The following DPP6 variants were observed in gnomAD, a reference collection of about 807,000 sequenced individuals.
DPP6 encodes A-type potassium channel modulatory protein DPP6.
DPP6 carries 69 observed loss-of-function variants against 122.6 expected under a neutral mutation model. The ratio of observed to expected loss-of-function variants is 0.56; its 90% confidence interval spans 0.46 to 0.69. The LOEUF is 0.69. Ranked by LOEUF, DPP6 falls within the 30% of genes least tolerant of loss-of-function variation. The probability of loss-of-function intolerance (pLI) is 0.00; values close to 1 mark genes in which losing one functional copy is unlikely to be tolerated. For missense variants in DPP6, 928 were observed against 1,116.9 expected, an observed-to-expected ratio of 0.83 and a Z score of 2.41; for synonymous variants, 418 against 433.1, an observed-to-expected ratio of 0.97 and a Z score of 0.43.
chr7:154,355,572 AT>A (rs1352762402), intron 1 of DPP6, among the ~76,000 whole-genome samples: 2 of 152,266 alleles, frequency 1.3e-5, no homozygotes, highest in Non-Finnish European at 2.9e-5. Flanking sequence ...TGATTCATTT[AT>A]TTGTATATGA....
At chr7:154,196,986 T>A (rs554527466) in intron 1 of DPP6, among the ~76,000 whole-genome samples, 1 of 152,154 alleles carries the variant, frequency 6.6e-6, no homozygotes, top group African/African-American at 2.4e-5. Context: ...TCCTCTTTAA[T>A]CTCCAAGTTT....
At chr7:154,457,296 G>T (rs1408427457) in intron 2 of DPP6, among the ~76,000 whole-genome samples, 1 of 26,580 alleles carries the variant, frequency 3.8e-5, no homozygotes, top group African/African-American at 1.3e-4. Context: ...CAGTTAGAAT[G>T]GCAATCATTA....
the DPP6 span, among the ~76,000 whole-genome samples, chr7:153,847,451 C>A: frequency 1.3e-5 from 2 of 152,290 alleles, no homozygotes; most frequent in East Asian, 1.9e-4. Context: ...TTTTACATTT[C>A]TTTGCATATA....
At chr7:154,713,762 C>T (rs1166047061) in intron 7 of DPP6, among the ~76,000 whole-genome samples, 1 of 152,164 alleles carries the variant, frequency 6.6e-6, no homozygotes, top group Non-Finnish European at 1.5e-5. Context: ...GGAGGGGCTG[C>T]CATGAAGGTC....
intron 1 of DPP6, among the ~76,000 whole-genome samples, chr7:153,967,137 A>C (rs998366136): frequency 6.6e-6 from 1 of 152,088 alleles, no homozygotes; most frequent in East Asian, 1.9e-4. Flanking sequence ...AAAGAGATCC[A>C]GTAGTCAAAG....
chr7:154,019,422 A>G (rs2533829), intron 1 of DPP6, among the ~76,000 whole-genome samples: 1 of 127,212 alleles, frequency 7.9e-6, no homozygotes, highest in African/African-American at 2.9e-5. Flanking sequence ...TTCTTTATCT[A>G]TCTATTTCTT....
the DPP6 span, among the ~76,000 whole-genome samples, chr7:153,862,471 C>A: frequency 3.3e-5 from 5 of 152,218 alleles, no homozygotes; most frequent in Non-Finnish European, 7.3e-5. Context: ...CTGTCACCTT[C>A]ACATCACCCA....
chr7:154,574,291 ATGTG>A (rs1319017490), intron 5 of DPP6, among the ~76,000 whole-genome samples: 2 of 101,772 alleles, frequency 2.0e-5, no homozygotes, highest in Admixed American at 2.2e-4. Context: ...TGTGTGGCGT[ATGTG>A]TGTGTATGTG....
At chr7:154,835,671 C>T (rs952169885) in intron 16 of DPP6, among the ~76,000 whole-genome samples, 5 of 152,170 alleles carry the variant, frequency 3.3e-5, no homozygotes, top group African/African-American at 9.7e-5. Flanking sequence ...GGTGCCCACC[C>T]GTGTCCACTT....
intron 7 of DPP6, among the ~76,000 whole-genome samples, chr7:154,688,619 T>C (rs1839764581): frequency 6.6e-6 from 1 of 152,148 alleles, no homozygotes; most frequent in South Asian, 2.1e-4. Flanking sequence ...GTCTCAAAAC[T>C]GAACAACTTG....
intron 1 of DPP6, among the ~76,000 whole-genome samples, chr7:154,036,012 G>GCACA (rs150790903): frequency 4.3e-5 from 5 of 115,668 alleles, no homozygotes; most frequent in Non-Finnish European, 8.8e-5. Flanking sequence ...AGGATTACGC[G>GCACA]CGCGCGCTTG....
chr7:154,117,095 A>G (rs966910674), intron 1 of DPP6, among the ~76,000 whole-genome samples: 2 of 151,994 alleles, frequency 1.3e-5, no homozygotes, highest in South Asian at 2.1e-4. Context: ...TGCTTAGACT[A>G]TCAGAAACTT....
At chr7:154,856,473 A>G (rs974058447) in intron 17 of DPP6, among the ~76,000 whole-genome samples, 1 of 152,236 alleles carries the variant, frequency 6.6e-6, no homozygotes, top group Non-Finnish European at 1.5e-5. Flanking sequence ...CATTTATTCC[A>G]TTTATAAAAA....
intron 10 of DPP6, among the ~76,000 whole-genome samples, chr7:154,785,284 G>A (rs1478176265): frequency 2.6e-5 from 4 of 152,182 alleles, no homozygotes; most frequent in South Asian, 2.1e-4. Context: ...CCCAGATGGA[G>A]ATGACTTTTC....
chr7:154,431,316 C>T lies in DPP6; in HGVS notation c.244-14898C>T, dbSNP rs369260614. Among the ~76,000 whole-genome samples the T allele has an allele frequency of 2.3e-3, 347 of 152,168 alleles. 1 individual carries two copies. The highest frequency in any genetic ancestry group is 7.9e-3 in the African/African-American group (329 of 41,492). On this transcript the variant is annotated intron_variant, in intron 1 of 25. Transcript: ENST00000377770. ...CCACCCTGCTTCCCTGCGCCACTCC[C>T]CAGGGCCTGCTCCACACCACCCACA...
intron 1 of DPP6, among the ~76,000 whole-genome samples, chr7:154,251,521 C>T (rs889676963): frequency 3.9e-5 from 6 of 152,148 alleles, no homozygotes; most frequent in Non-Finnish European, 8.8e-5. Flanking sequence ...TGACTCACAC[C>T]ATCACAAGAT....
At chr7:154,348,208 A>G (rs1347731876) in intron 1 of DPP6, among the ~76,000 whole-genome samples, 1 of 152,182 alleles carries the variant, frequency 6.6e-6, no homozygotes, top group Non-Finnish European at 1.5e-5. Context: ...TGAAAGTCAA[A>G]TATACTTATA....
At chr7:154,306,912 T>G (rs1456476098) in intron 1 of DPP6, among the ~76,000 whole-genome samples, 1 of 152,152 alleles carries the variant, frequency 6.6e-6, no homozygotes, top group Non-Finnish European at 1.5e-5. Context: ...AAAGAAATAT[T>G]TCCACACTAA....
intron 1 of DPP6, among the ~76,000 whole-genome samples, chr7:154,220,723 A>G (rs954475936): frequency 1.3e-5 from 2 of 152,178 alleles, no homozygotes; most frequent in Non-Finnish European, 2.9e-5. Flanking sequence ...TTTTTTCTAA[A>G]GTACCCAGTT....
Sources: gnomAD v4.1 joint callset for allele counts (sites outside exome capture counted in the v4.1 genomes callset) on GRCh38, gnomAD v4.1.1 for gene constraint, MANE v1.5 for transcripts, NCBI Gene and HGNC (gene_info 2026-07-23, HGNC 2026-07-21) for gene names.